CCSER1: variants seen among roughly 807,000 people sequenced by gnomAD.
CCSER1 encodes coiled-coil serine rich protein 1.
Under a neutral mutation model 82.0 loss-of-function variants are expected in CCSER1, and 41 were observed. The observed-to-expected ratio is 0.50, with a 90% CI of 0.39 to 0.65. The LOEUF (loss-of-function observed/expected upper bound fraction) is 0.65. CCSER1 is among the 30% of genes least tolerant of loss of function. The pLI, the probability that CCSER1 is intolerant of heterozygous loss-of-function variation, is 0.00. For synonymous variants in CCSER1, 414 were observed against 383.9 expected (o/e 1.08, Z -0.92); for missense variants, 1,119 against 1,064.2 (o/e 1.05, Z -0.72).
chr4:90,655,541 C>T (rs191935330), intron 6 of CCSER1, among the ~76,000 whole-genome samples: 1 of 152,160 alleles, frequency 6.6e-6, no homozygotes, highest in African/African-American at 2.4e-5. Flanking sequence ...CTCTTACTCA[C>T]TGGCTCTTGC....
chr4:91,160,743 G>C (rs1731303585), intron 10 of CCSER1, among the ~76,000 whole-genome samples: 1 of 151,772 alleles, frequency 6.6e-6, no homozygotes, highest in Non-Finnish European at 1.5e-5. Flanking sequence ...TGATGTTGTT[G>C]TTGTTGTTGT....
At chr4:90,563,427 T>C (rs1779013861) in intron 5 of CCSER1, among the ~76,000 whole-genome samples, 1 of 152,090 alleles carries the variant, frequency 6.6e-6, no homozygotes, top group Non-Finnish European at 1.5e-5. Flanking sequence ...TTATATCTTT[T>C]GACCAACGTC....
At chr4:90,650,090 A>T (rs1370313311) in intron 6 of CCSER1, among the ~76,000 whole-genome samples, 1 of 152,000 alleles carries the variant, frequency 6.6e-6, no homozygotes. Flanking sequence ...GGTGGCAGGC[A>T]CCTGTAATCC....
intron 4 of CCSER1, among the ~76,000 whole-genome samples, chr4:90,444,910 A>T (rs1243030625): frequency 6.6e-6 from 1 of 152,042 alleles, no homozygotes; most frequent in East Asian, 1.9e-4. Context: ...ATTTACAGTG[A>T]ACGCATGACA....
At chr4:90,691,549 A>G (rs975567752) in intron 6 of CCSER1, among the ~76,000 whole-genome samples, 1 of 132,872 alleles carries the variant, frequency 7.5e-6, no homozygotes, top group Non-Finnish European at 1.7e-5. Flanking sequence ...ACATGTGTAC[A>G]TATCACATGT....
chr4:91,510,256 G>T (rs764061040), intron 10 of CCSER1, among the ~76,000 whole-genome samples: 3 of 152,064 alleles, frequency 2.0e-5, no homozygotes, highest in Non-Finnish European at 2.9e-5. Context: ...ATCCACTGCC[G>T]ATGGGCCCTT....
intron 5 of CCSER1, among the ~76,000 whole-genome samples, chr4:90,617,770 C>T (rs1011233062): frequency 5.9e-5 from 9 of 152,106 alleles, no homozygotes; most frequent in Admixed American, 2.6e-4. Context: ...ATTAGTTCAG[C>T]GATGACATTC....
chr4:90,699,224 G>A (rs960821742), intron 6 of CCSER1, among the ~76,000 whole-genome samples: 8 of 152,140 alleles, frequency 5.3e-5, no homozygotes, highest in Non-Finnish European at 7.4e-5. Context: ...AGCACTTCAG[G>A]AAGTCGAGGC....
At chr4:90,219,131 A>T (rs1741656881) in intron 1 of CCSER1, among the ~76,000 whole-genome samples, 1 of 152,210 alleles carries the variant, frequency 6.6e-6, no homozygotes, top group South Asian at 2.1e-4. Flanking sequence ...GTTAGAAATC[A>T]TTTGAATAAT....
chr4:90,408,285 G>A (rs1203013887), intron 4 of CCSER1, among the ~76,000 whole-genome samples: 3 of 152,198 alleles, frequency 2.0e-5, no homozygotes, highest in African/African-American at 7.2e-5. Flanking sequence ...GAAGAGAGTA[G>A]TGATTCTCCC....
At chr4:91,367,187 T>C (rs1282551076) in intron 10 of CCSER1, among the ~76,000 whole-genome samples, 1 of 149,220 alleles carries the variant, frequency 6.7e-6, no homozygotes, top group African/African-American at 2.5e-5. Flanking sequence ...TATGGTGGAT[T>C]GAACCTGTAG....
At chr4:91,263,634 A>T (rs896773551) in intron 10 of CCSER1, among the ~76,000 whole-genome samples, 1 of 152,004 alleles carries the variant, frequency 6.6e-6, no homozygotes, top group African/African-American at 2.4e-5. Context: ...CAAGATGATG[A>T]CATTTGATAT....
At chr4:91,121,221 C>A (rs1041248489) in intron 10 of CCSER1, among the ~76,000 whole-genome samples, 1 of 151,198 alleles carries the variant, frequency 6.6e-6, no homozygotes, top group Admixed American at 6.6e-5. Flanking sequence ...TAAAGTATTT[C>A]TTGTAACATT....
chr4:90,602,611 C>G (rs57023376), intron 5 of CCSER1, among the ~76,000 whole-genome samples: 1 of 152,040 alleles, frequency 6.6e-6, no homozygotes, highest in Non-Finnish European at 1.5e-5. Flanking sequence ...TACATTTCCA[C>G]ATTTTCATGG....
intron 6 of CCSER1, among the ~76,000 whole-genome samples, chr4:90,667,633 G>A (rs940664954): frequency 1.3e-5 from 2 of 152,032 alleles, no homozygotes; most frequent in Non-Finnish European, 1.5e-5. Context: ...GAGAATGATG[G>A]TTTCCAGCTT....
chr4:90,746,742 A>G lies in CCSER1; in HGVS notation c.2010+22751A>G, dbSNP rs1345679653. Among the ~76,000 whole-genome samples, 3 of 152,342 alleles carry G rather than the reference A, an allele frequency of 2.0e-5. No individual in the cohort carries two copies. The East Asian group carries it at 5.8e-4, about 29-fold the overall frequency. On this transcript the variant is annotated intron_variant, in intron 7 of 10. Coordinates refer to ENST00000509176, the MANE Select transcript of CCSER1 (RefSeq NM_001145065.2). ...TATTATCTTTTTCAAGATCTTCCATAACCAAGCACTGAAAGTTTTAGGTAC... is the reference window on the plus strand; with the variant it reads ...TATTATCTTTTTCAAGATCTTCCATGACCAAGCACTGAAAGTTTTAGGTAC...
At chr4:90,849,920 G>A (rs1379171570) in intron 8 of CCSER1, among the ~76,000 whole-genome samples, 10 of 152,064 alleles carry the variant, frequency 6.6e-5, no homozygotes, top group African/African-American at 2.2e-4. Context: ...GCATGTCAGA[G>A]ACCTTCACAA....
chr4:90,666,642 A>G (rs1183334670), intron 6 of CCSER1, among the ~76,000 whole-genome samples: 1 of 152,226 alleles, frequency 6.6e-6, no homozygotes, highest in East Asian at 1.9e-4. Context: ...AGATTGCCCT[A>G]TCACGTGCTG....
intron 5 of CCSER1, among the ~76,000 whole-genome samples, chr4:90,518,505 A>G (rs904889615): frequency 4.1e-4 from 63 of 152,226 alleles, no homozygotes; most frequent in African/African-American, 1.4e-3. Context: ...GATAACTGTC[A>G]TGAACTCAAA....
Sources: allele counts gnomAD v4.1 joint callset (sites outside exome capture counted in the v4.1 genomes callset), GRCh38; gene constraint gnomAD v4.1.1; transcripts MANE v1.5; gene names NCBI Gene and HGNC (gene_info 2026-07-23, HGNC 2026-07-21).